The following MAGI2 variants were observed in gnomAD, a reference collection of about 807,000 sequenced individuals.
The protein encoded by MAGI2 is membrane-associated guanylate kinase, WW and PDZ domain-containing protein 2.
In MAGI2, 35 loss-of-function variants were observed where a neutral mutation model predicts 133.3. The ratio of observed to expected loss-of-function variants is 0.26; its 90% CI spans 0.20 to 0.35. The LOEUF (loss-of-function observed/expected upper bound fraction) is 0.35. Ranked by LOEUF, MAGI2 falls within the 10% of genes least tolerant of loss-of-function variation. The pLI is 1.00. For synonymous variants in MAGI2, 729 were observed against 710.6 expected, an observed-to-expected ratio of 1.03 and a Z score of -0.41; for missense variants, 1,636 against 1,863.4, an observed-to-expected ratio of 0.88 and a Z score of 2.25.
chr7:78,241,715 T>C lies in MAGI2; in HGVS notation c.2047+14228A>G, dbSNP rs1412730385. Among the ~76,000 whole-genome samples, 3 of 152,154 alleles carry C rather than the reference T, an allele frequency of 2.0e-5. No individual in the cohort carries two copies. In the East Asian group the frequency reaches 5.8e-4, roughly 29 times the overall value. On this transcript the variant is annotated intron_variant, in intron 10 of 21. Transcript: ENST00000354212. ...TGGGAGGGTGAGGTGGGTGAATCAC[T>C]TGAGGTCAGGAGTTCGAGACCAGCC...
intron 1 of MAGI2, among the ~76,000 whole-genome samples, chr7:79,162,382 A>G (rs927768999): frequency 2.0e-5 from 3 of 152,042 alleles, no homozygotes; most frequent in Non-Finnish European, 4.4e-5. Flanking sequence ...GTGTTTCACT[A>G]CAAATGCTCT....
At chr7:79,434,265 C>G (rs1294836384) in intron 1 of MAGI2, among the ~76,000 whole-genome samples, 1 of 152,194 alleles carries the variant, frequency 6.6e-6, no homozygotes, top group South Asian at 2.1e-4. Context: ...GATGAGATGT[C>G]GATGAGTAAT....
chr7:78,957,178 T>C (rs1802449872), intron 2 of MAGI2, among the ~76,000 whole-genome samples: 1 of 150,248 alleles, frequency 6.7e-6, no homozygotes, highest in African/African-American at 2.5e-5. Context: ...GACAGAAGAA[T>C]TGCTTGAACC....
At chr7:78,041,468 G>A (rs1810837570) in intron 21 of MAGI2, among the ~76,000 whole-genome samples, 1 of 152,102 alleles carries the variant, frequency 6.6e-6, no homozygotes, top group South Asian at 2.1e-4. Context: ...TTGAGCCCAG[G>A]AGTTTGAGAC....
chr7:78,131,560 G>A (rs546409978), intron 18 of MAGI2, among the ~76,000 whole-genome samples: 28 of 152,324 alleles, frequency 1.8e-4, no homozygotes, highest in Non-Finnish European at 2.4e-4. Context: ...AAAAAGGCCA[G>A]TGAGGGGTTT....
At chr7:78,309,671 TA>T (rs200845692) in intron 9 of MAGI2, among the ~76,000 whole-genome samples, 11 of 150,576 alleles carry the variant, frequency 7.3e-5, no homozygotes, top group East Asian at 3.9e-4. Flanking sequence ...GAAACTAAAA[TA>T]AAAAAAAATA....
intron 6 of MAGI2, among the ~76,000 whole-genome samples, chr7:78,380,141 C>CAACA (rs1457327294): frequency 1.6e-5 from 2 of 125,768 alleles, no homozygotes; most frequent in Non-Finnish European, 3.4e-5. Context: ...CCTCTAGGGA[C>CAACA]AACACACACA....
intron 1 of MAGI2, among the ~76,000 whole-genome samples, chr7:79,349,925 C>A (rs932057683): frequency 1.3e-5 from 2 of 151,994 alleles, no homozygotes; most frequent in Non-Finnish European, 2.9e-5. Flanking sequence ...TACTCGCCAC[C>A]CTCACAGTTA....
At chr7:79,108,165 G>A (rs1818606388) in intron 1 of MAGI2, among the ~76,000 whole-genome samples, 1 of 152,200 alleles carries the variant, frequency 6.6e-6, no homozygotes, top group African/African-American at 2.4e-5. Context: ...CAGACCAGGT[G>A]CTGGCCCTCA....
At chr7:78,536,195 C>T (rs796788143) in intron 3 of MAGI2, among the ~76,000 whole-genome samples, 192 of 131,548 alleles carry the variant, frequency 1.5e-3, no homozygotes, top group African/African-American at 5.3e-3. Context: ...TCACTGCAAG[C>T]TCCGCCTCCC....
chr7:78,108,782 G>A (rs1021460967), intron 20 of MAGI2, among the ~76,000 whole-genome samples: 2 of 151,810 alleles, frequency 1.3e-5, no homozygotes, highest in African/African-American at 4.8e-5. Context: ...ATGTGTTTGT[G>A]TGTATATACA....
In MAGI2 at chr7:78,070,524, G is replaced by A. The variant is rs10225563; in HGVS notation, c.3706+8423C>T. Among the ~76,000 whole-genome samples, 15 of 124,340 alleles carry A rather than the reference G, an allele frequency of 1.2e-4. 1 individual carries two copies. Among genetic ancestry groups the A allele is most frequent in the Non-Finnish European group, 1.7e-4 (10 of 57,216 alleles). The allele number at this position is 124,340 out of a possible 152,430, so 81.6% of individuals were successfully genotyped here. ...TGTGTATATATATGTGTGTATATAT[G>A]TATATATGTGTACATATGTATATAT... On this transcript the variant is annotated intron_variant, in intron 21 of 21. Transcript: ENST00000354212.
chr7:78,286,190 T>C (rs1282257522), intron 9 of MAGI2, among the ~76,000 whole-genome samples: 1 of 152,098 alleles, frequency 6.6e-6, no homozygotes, highest in East Asian at 1.9e-4. Flanking sequence ...CAATACTAAA[T>C]TTGTTTTCTC....
intron 6 of MAGI2, among the ~76,000 whole-genome samples, chr7:78,409,994 G>C (rs1562957540): frequency 6.6e-6 from 1 of 151,922 alleles, no homozygotes; most frequent in African/African-American, 2.4e-5. Flanking sequence ...GCTGTGCTGG[G>C]ATCCTGAAAG....
chr7:79,186,646 A>G (rs1827169188), intron 1 of MAGI2, among the ~76,000 whole-genome samples: 1 of 128,652 alleles, frequency 7.8e-6, no homozygotes, highest in Admixed American at 7.6e-5. Flanking sequence ...ATAAGTGCAT[A>G]TATATAATAT....
chr7:78,194,709 A>G (rs1223701927), intron 12 of MAGI2, among the ~76,000 whole-genome samples, 165 bp downstream of exon 12: 1 of 152,242 alleles, frequency 6.6e-6, no homozygotes, highest in African/African-American at 2.4e-5. Flanking sequence ...CGACTTTTAG[A>G]GTCAACAGGC....
chr7:78,238,228 A>G (rs1402717882), intron 10 of MAGI2, among the ~76,000 whole-genome samples: 16 of 151,936 alleles, frequency 1.1e-4, no homozygotes, highest in Non-Finnish European at 2.4e-4. Flanking sequence ...TTCAGTCCCC[A>G]GCTTTAGGCA....
intron 20 of MAGI2, among the ~76,000 whole-genome samples, chr7:78,098,104 T>G (rs1817879056): frequency 6.6e-6 from 1 of 152,048 alleles, no homozygotes; most frequent in African/African-American, 2.4e-5. Context: ...CCAGCCAGAG[T>G]TTAATTAGGT....
intron 2 of MAGI2, among the ~76,000 whole-genome samples, chr7:78,814,542 C>T (rs549922295): frequency 1.2e-3 from 189 of 152,122 alleles, no homozygotes; most frequent in Non-Finnish European, 2.2e-3. Flanking sequence ...AGTAAATTTA[C>T]GTGAATTACA....
Sources: allele counts gnomAD v4.1 joint callset (sites outside exome capture counted in the v4.1 genomes callset), GRCh38; gene constraint gnomAD v4.1.1; transcripts MANE v1.5; gene names NCBI Gene and HGNC (gene_info 2026-07-23, HGNC 2026-07-21).